The following NCK2 variants were observed in gnomAD, a reference collection of about 807,000 sequenced individuals.
NCK2 encodes cytoplasmic protein NCK2.
In NCK2, 16 loss-of-function variants were observed where a neutral mutation model predicts 33.9. The ratio of observed to expected loss-of-function variants is 0.47; its 90% confidence interval spans 0.32 to 0.72. The LOEUF (loss-of-function observed/expected upper bound fraction) is 0.72, where lower values mean the gene tolerates loss of function less well. Among genes scored for constraint, NCK2 ranks in the 30% least tolerant of loss-of-function variants. The pLI is 0.03. For missense variants in NCK2, 418 were observed against 537.3 expected (o/e 0.78, Z 2.19); for synonymous variants, 273 against 239.9 (o/e 1.14, Z -1.27).
chr2:105,855,668 G>A (rs147871858), intron 3 of NCK2: 30 of 168,740 alleles, frequency 1.8e-4, no homozygotes, highest in African/African-American at 5.5e-4. Context: ...TTTGGCCTAC[G>A]TGCCTAGAGC....
intron 3 of NCK2, among the ~76,000 whole-genome samples, chr2:105,869,682 C>T (rs1677917674): frequency 6.6e-6 from 1 of 152,218 alleles, no homozygotes. Context: ...TGGATTGACA[C>T]TTTAAGCAGT....
chr2:105,866,698 G>A (rs1000281725), intron 3 of NCK2, among the ~76,000 whole-genome samples: 101 of 152,312 alleles, frequency 6.6e-4, no homozygotes, highest in African/African-American at 2.2e-3. Flanking sequence ...ATCTCCTGCC[G>A]TGCAGCCCAT....
chr2:105,881,564 G>A lies in NCK2; in HGVS notation c.463G>A (p.Gly155Arg), dbSNP rs1196796618. 15 of 1,613,906 alleles carry A rather than the reference G, an allele frequency of 9.3e-6. No homozygotes were observed. The highest frequency in any genetic ancestry group is 1.2e-5 in the Non-Finnish European group (14 of 1,180,014). The change falls in exon 4 of 5, where the codon GGG (glycine) becomes AGG (arginine). Residue 155 changes from glycine (G) to arginine (R), a missense_variant. Coordinates refer to ENST00000233154, the MANE Select transcript of NCK2 (RefSeq NM_003581.5). ...CGGTTGGTGGCGGGGCAGCTACAAC[G>A]GGCAGATCGGCTGGTTCCCCTCCAA... ...SDGWWRGSYN[G>R]QIGWFPSNYV... is the part of the protein sequence containing the mutation.
intron 1 of NCK2, among the ~76,000 whole-genome samples, chr2:105,758,598 C>T (rs1321412694): frequency 1.3e-5 from 2 of 151,790 alleles, no homozygotes; most frequent in African/African-American, 4.8e-5. Flanking sequence ...TTAGTAGAGA[C>T]GGGGTTTCAC....
At chr2:105,863,214 T>C (rs1677611229) in intron 3 of NCK2, among the ~76,000 whole-genome samples, 1 of 152,180 alleles carries the variant, frequency 6.6e-6, no homozygotes, top group Admixed American at 6.5e-5. Context: ...AAATTCTCAT[T>C]TCGGCATTAT....
chr2:105,873,722 A>G (rs1321232035), intron 3 of NCK2, among the ~76,000 whole-genome samples: 1 of 152,198 alleles, frequency 6.6e-6, no homozygotes, highest in African/African-American at 2.4e-5. Context: ...TGAAGGGGAA[A>G]AAAAGAAAAC....
In NCK2 at chr2:105,847,608, G is replaced by A. The variant is rs527766317; in HGVS notation, c.-16-7440G>A. On this transcript the variant is annotated intron_variant, in intron 2 of 4. Transcript: ENST00000233154. ...TGGATGAGCTTTCAGGGGGCTCCCAGGGTGGGAGAGGGGCCTGGTGGGACA... is the reference window on the plus strand; with the variant it reads ...TGGATGAGCTTTCAGGGGGCTCCCAAGGTGGGAGAGGGGCCTGGTGGGACA... Among the ~76,000 whole-genome samples the A allele has an allele frequency of 7.2e-5, 11 of 152,188 alleles. No individual in the cohort carries two copies. The East Asian group carries it at 1.7e-3, about 24-fold the overall frequency.
At chr2:105,845,803 G>C (rs188412215) in intron 2 of NCK2, among the ~76,000 whole-genome samples, 2 of 152,060 alleles carry the variant, frequency 1.3e-5, no homozygotes, top group African/African-American at 4.8e-5. Flanking sequence ...ACTGTTATCC[G>C]TCTACTTTGG....
chr2:105,882,201 G>C, intron 4 of NCK2, 152 bp downstream of exon 4: 2 of 949,620 alleles, frequency 2.1e-6, no homozygotes, highest in Non-Finnish European at 2.8e-6. Context: ...TTGCTACTCC[G>C]TGATTTACTT....
At chr2:105,868,944 G>C (rs1438100667) in intron 3 of NCK2, among the ~76,000 whole-genome samples, 2 of 152,196 alleles carry the variant, frequency 1.3e-5, no homozygotes. Flanking sequence ...GGAGGCTGGA[G>C]CCCAGTTCCA....
chr2:105,834,773 C>T (rs761898451), intron 2 of NCK2, among the ~76,000 whole-genome samples: 7 of 152,070 alleles, frequency 4.6e-5, no homozygotes, highest in Non-Finnish European at 8.8e-5. Flanking sequence ...GTTTAAGTGA[C>T]TGCCCCCCTG....
At position 105,835,466 on chromosome 2, in the gene NCK2, T is replaced by C. The variant is rs556837167; in HGVS notation, c.-17+18853T>C. On this transcript the variant is annotated intron_variant, in intron 2 of 4. Transcript: ENST00000233154. The stretch of plus-strand genomic sequence containing the variant: ...ATTTTGAATATATCATAGTGAACTC[T>C]CCTGGCCTGTAAGGTTTCTGCTGAG... 3.4e-5 allele frequency among the ~76,000 whole-genome samples: 5 copies of C among 145,520 alleles called. No individual in the cohort carries two copies. In the South Asian group the frequency reaches 1.1e-3, roughly 32 times the overall value.
intron 1 of NCK2, among the ~76,000 whole-genome samples, chr2:105,782,729 C>T (rs1379563165): frequency 6.6e-6 from 1 of 152,202 alleles, no homozygotes; most frequent in Non-Finnish European, 1.5e-5. Context: ...TGGGCTGCAG[C>T]TGCCTGTAGA....
chr2:105,746,764 T>C lies in NCK2; in HGVS notation c.-201+1626T>C, dbSNP rs1023156424. ...AGTGAACACGAGGGAAAATCCTACC[T>C]CAGTATATTCTGCCCTGGAGGTTGG... On this transcript the variant is annotated intron_variant, in intron 1 of 4. Coordinates refer to ENST00000233154, the MANE Select transcript of NCK2 (RefSeq NM_003581.5). Among the ~76,000 whole-genome samples the C allele has an allele frequency of 2.0e-5, 3 of 152,338 alleles. No individual in the cohort carries two copies. The East Asian group carries it at 5.8e-4, about 29-fold the overall frequency.
intron 1 of NCK2, among the ~76,000 whole-genome samples, chr2:105,796,420 A>G (rs1403000659): frequency 1.3e-5 from 2 of 152,182 alleles, no homozygotes; most frequent in Non-Finnish European, 2.9e-5. Flanking sequence ...GGAGTGAACA[A>G]TTCAATGTTT....
At chr2:105,752,528 C>T (rs1156234554) in intron 1 of NCK2, among the ~76,000 whole-genome samples, 1 of 152,110 alleles carries the variant, frequency 6.6e-6, no homozygotes, top group Non-Finnish European at 1.5e-5. Flanking sequence ...ATGTGTTCAG[C>T]ACCATAGGAA....
chr2:105,880,865 C>G (rs1286207427), intron 3 of NCK2, among the ~76,000 whole-genome samples: 1 of 151,018 alleles, frequency 6.6e-6, no homozygotes, highest in African/African-American at 2.4e-5. Flanking sequence ...AGTCTCAACT[C>G]TGGCTCAAGC....
In NCK2 at chr2:105,893,232, G is replaced by A; in HGVS notation, c.*56G>A. 2 of 1,493,362 alleles carry A rather than the reference G, an allele frequency of 1.3e-6. No homozygotes were observed. The highest frequency in any genetic ancestry group is 1.8e-6 in the Non-Finnish European group (2 of 1,113,324). The allele number at this position is 1,493,362 out of a possible 1,614,324, so 92.5% of individuals were successfully genotyped here. On this transcript the variant is annotated 3_prime_UTR_variant, in exon 5 of 5. Transcript: ENST00000233154. ...GCCCCACGGTGGAGCTGCCCGCCCG[G>A]CCTTGTGGCAGAGGCTCCTCCCGCG...
At position 105,807,693 on chromosome 2, in the gene NCK2, TTC is replaced by T. The variant is rs1199556589; in HGVS notation, c.-200-8733_-200-8732del. 9.9e-4 allele frequency among the ~76,000 whole-genome samples: 149 copies of T among 151,166 alleles called. 1 individual carries two copies. Among genetic ancestry groups the T allele is most frequent in the African/African-American group, 3.4e-3 (141 of 41,144 alleles). On this transcript the variant is annotated intron_variant, in intron 1 of 4. Transcript: ENST00000233154. ...TTTTTCAACCTCTCTCCTTTTTTTTTTCTCTTTTCTTTTTTCCTTCCTTCCTT... is the reference window on the plus strand; with the variant it reads ...TTTTTCAACCTCTCTCCTTTTTTTTTTCTTTTCTTTTTTCCTTCCTTCCTT...
Sources: allele counts gnomAD v4.1 joint callset (sites outside exome capture counted in the v4.1 genomes callset), GRCh38; gene constraint gnomAD v4.1.1; transcripts MANE v1.5; gene names NCBI Gene and HGNC (gene_info 2026-07-23, HGNC 2026-07-21).